Variants in OSMR observed in about 807,000 individuals in gnomAD.
OSMR encodes the protein oncostatin-M-specific receptor subunit beta.
In OSMR, 81 loss-of-function variants were observed where a neutral mutation model predicts 99.9. That is an observed-to-expected ratio of 0.81 (90% CI 0.68 to 0.97). The LOEUF (loss-of-function observed/expected upper bound fraction) is 0.97. Among genes scored for constraint, OSMR ranks in the 50% least tolerant of loss-of-function variants. The pLI is 0.00. For synonymous variants in OSMR, 406 were observed against 410.4 expected (o/e 0.99, Z 0.13); for missense variants, 1,099 against 1,153.4 (o/e 0.95, Z 0.68).
At chr5:38,874,351 C>G (rs1742636676) in intron 2 of OSMR, among the ~76,000 whole-genome samples, 1 of 152,156 alleles carries the variant, frequency 6.6e-6, no homozygotes, top group African/African-American at 2.4e-5. Flanking sequence ...TTCCCAGCAT[C>G]ACATTTACAA....
intron 1 of OSMR, among the ~76,000 whole-genome samples, chr5:38,851,173 G>C (rs357288): frequency 0.2 from 29,977 of 152,094 alleles, 3,079 homozygotes; most frequent in African/African-American, 0.24. Flanking sequence ...ACTTGCACAA[G>C]ACTGAGCTTA....
At chr5:38,885,625 C>A (rs537810133) in intron 6 of OSMR, 141 bp downstream of exon 6, 4 of 1,164,426 alleles carry the variant, frequency 3.4e-6, no homozygotes, top group Non-Finnish European at 5.1e-6. Flanking sequence ...AAGAGGAAAC[C>A]TTTAAGTGGT....
chr5:38,846,657 C>G (rs1242264848), intron 1 of OSMR, among the ~76,000 whole-genome samples: 2 of 152,156 alleles, frequency 1.3e-5, no homozygotes, highest in East Asian at 3.9e-4. Flanking sequence ...TCTCTCCCAC[C>G]TGGTCCCTAG....
chr5:38,885,395 C>T lies in OSMR; in HGVS notation c.750C>T (p.Phe250=). 2 of 1,613,784 alleles carry T rather than the reference C, an allele frequency of 1.2e-6. No individual in the cohort carries two copies. Among genetic ancestry groups the T allele is most frequent in the Non-Finnish European group, 1.7e-6 (2 of 1,179,836 alleles). Residue 250 remains phenylalanine (F), a synonymous_variant, in exon 6 of 18, where the codon TTC becomes TTT. Coordinates refer to ENST00000274276, the MANE Select transcript of OSMR (RefSeq NM_003999.3). ...ACTTTTCTTGTGAAACCGAGGACTTCAAGACTTTGCACTGTACTTGGGATC... is the reference window on the plus strand; with the variant it reads ...ACTTTTCTTGTGAAACCGAGGACTTTAAGACTTTGCACTGTACTTGGGATC... The part of the protein sequence containing the change: ...PKDFSCETED[F]KTLHCTWDPG...
chr5:38,894,720 T>A (rs1744384664), intron 7 of OSMR, among the ~76,000 whole-genome samples: 1 of 152,074 alleles, frequency 6.6e-6, no homozygotes, highest in South Asian at 2.1e-4. Flanking sequence ...TTTTATTACC[T>A]ACAAAGAGAC....
intron 5 of OSMR, among the ~76,000 whole-genome samples, chr5:38,884,930 T>A (rs1388053280): frequency 6.6e-6 from 1 of 152,072 alleles, no homozygotes; most frequent in Non-Finnish European, 1.5e-5. Flanking sequence ...GATTTGGAGG[T>A]GCTTTGCCAT....
intron 9 of OSMR, among the ~76,000 whole-genome samples, chr5:38,912,881 G>T (rs1429285112): frequency 6.6e-6 from 1 of 152,076 alleles, no homozygotes; most frequent in Non-Finnish European, 1.5e-5. Flanking sequence ...ATGTGTGGAA[G>T]AATGAAGCTA....
intron 9 of OSMR, among the ~76,000 whole-genome samples, chr5:38,911,160 A>G (rs1745553075): frequency 6.6e-6 from 1 of 152,194 alleles, no homozygotes; most frequent in Non-Finnish European, 1.5e-5. Context: ...AGGAGTTATT[A>G]AGAAGAATAA....
chr5:38,921,060 G>C (rs1464130923), intron 11 of OSMR, among the ~76,000 whole-genome samples: 2 of 152,092 alleles, frequency 1.3e-5, no homozygotes, highest in African/African-American at 4.8e-5. Context: ...GTTACCGTGG[G>C]AGAATTAGCC....
At chr5:38,895,097 G>A (rs10042088) in intron 7 of OSMR, among the ~76,000 whole-genome samples, 25,862 of 151,966 alleles carry the variant, frequency 0.17, 2,340 homozygotes, top group Middle Eastern at 0.26. Context: ...TGCAGCAAAA[G>A]CAGTGTAAAG....
At chr5:38,888,342 G>A (rs381153) in intron 7 of OSMR, among the ~76,000 whole-genome samples, 145,547 of 151,560 alleles carry the variant, frequency 0.96, 69,942 homozygotes, top group African/African-American at 0.99. Flanking sequence ...AAGGAAGAAG[G>A]CGGCCCGAAT....
At chr5:38,889,704 T>C (rs1441955053) in intron 7 of OSMR, among the ~76,000 whole-genome samples, 1 of 152,222 alleles carries the variant, frequency 6.6e-6, no homozygotes, top group East Asian at 1.9e-4. Flanking sequence ...CTCTTATTAT[T>C]TGGTAATCTT....
At chr5:38,937,097 C>G (rs559690498), downstream of OSMR, among the ~76,000 whole-genome samples, 6 of 152,180 alleles carry the variant, frequency 3.9e-5, no homozygotes, top group Non-Finnish European at 7.3e-5. This position sits in a 1 kb window ranked among gnomAD's most constrained non-coding sequence, Gnocchi z 4.0. Context: ...TGCAGTGGCA[C>G]GATCTTGGCT....
In OSMR at chr5:38,923,226, GA is replaced by G. The variant is rs762315064; in HGVS notation, c.1849del (p.Thr617GlnfsTer20). On this transcript the variant is annotated frameshift_variant, in exon 13 of 18. Coordinates refer to ENST00000274276, the MANE Select transcript of OSMR (RefSeq NM_003999.3). LOFTEE classifies it high-confidence loss of function. ...STKRIACLLE[K>X]KTGYSQELAP... ...CAAAAAGGATTGCTTGTTTATTAGA[GA>G]AAAAAACAGGATACTCTCAGGAACT... is the stretch of plus-strand genomic sequence containing the variant. 5.0e-6 allele frequency: 8 copies of G among 1,606,334 alleles called. No homozygotes were observed. In the African/African-American group the frequency reaches 9.4e-5, roughly 19 times the overall value.
chr5:38,847,670 C>T (rs1739977630), intron 1 of OSMR, among the ~76,000 whole-genome samples: 1 of 144,710 alleles, frequency 6.9e-6, no homozygotes, highest in Admixed American at 6.9e-5. Context: ...TCAGGAAATA[C>T]TCAGTTTGTT....
At chr5:38,847,891 G>A (rs1501743) in intron 1 of OSMR, among the ~76,000 whole-genome samples, 3,221 of 150,998 alleles carry the variant, frequency 0.021, 97 homozygotes, top group African/African-American at 0.067. Flanking sequence ...TTCTTCCGCA[G>A]GGACCCGAGC....
At chr5:38,881,860 G>T in intron 4 of OSMR, 96 bp downstream of exon 4, 1 of 1,068,906 alleles carries the variant, frequency 9.4e-7, no homozygotes. Context: ...GAGGAACCCT[G>T]GGTAGACACT....
chr5:38,922,003 A>T (rs1378712606), intron 12 of OSMR, among the ~76,000 whole-genome samples: 3 of 152,244 alleles, frequency 2.0e-5, no homozygotes, highest in Non-Finnish European at 4.4e-5. Flanking sequence ...ATATCTGCAC[A>T]TGAGGTGGGA....
chr5:38,864,784 G>T (rs552158493), intron 1 of OSMR, among the ~76,000 whole-genome samples: 1 of 152,096 alleles, frequency 6.6e-6, no homozygotes, highest in Non-Finnish European at 1.5e-5. Context: ...TCTCGTGCAA[G>T]AATTGGGAAG....
Sources: allele counts gnomAD v4.1 joint callset (sites outside exome capture counted in the v4.1 genomes callset), GRCh38; gene constraint gnomAD v4.1.1; non-coding constraint Gnocchi (gnomAD v3.1); transcripts MANE v1.5; gene names NCBI Gene and HGNC (gene_info 2026-07-23, HGNC 2026-07-21).